Variants in MTHFD1L observed in about 807,000 individuals in gnomAD.
MTHFD1L encodes the protein monofunctional C1-tetrahydrofolate synthase, mitochondrial.
MTHFD1L carries 81 observed loss-of-function variants against 119.5 expected under a neutral mutation model. The observed-to-expected ratio is 0.68, with a 90% CI of 0.57 to 0.82. MTHFD1L has a LOEUF of 0.82. Among genes scored for constraint, MTHFD1L ranks in the 40% least tolerant of loss-of-function variants. The probability of loss-of-function intolerance (pLI) is 0.00; values close to 1 mark genes in which losing one functional copy is unlikely to be tolerated. For missense variants in MTHFD1L, 1,125 were observed against 1,253.4 expected, an observed-to-expected ratio of 0.90 and a Z score of 1.55; for synonymous variants, 430 against 475.2, an observed-to-expected ratio of 0.90 and a Z score of 1.24.
At chr6:150,918,960 C>T (rs769327614) in intron 9 of MTHFD1L, among the ~76,000 whole-genome samples, 12 of 152,050 alleles carry the variant, frequency 7.9e-5, no homozygotes, top group Non-Finnish European at 1.3e-4. Flanking sequence ...TTTATTATCT[C>T]ACAGTTTCTT....
At position 150,956,020 on chromosome 6, in the gene MTHFD1L, A is replaced by T. The variant is rs1795590397; in HGVS notation, c.1752A>T (p.Leu584=). ...QRVLDTNDRF[L]RKITIGQGNT... is the part of the protein sequence containing the mutation. Reference sequence around the variant, plus strand: ...TATTGGATACAAATGACCGATTTCTACGAAAAATAACCATCGGGCAGGGAA... The same window carrying T: ...TATTGGATACAAATGACCGATTTCTTCGAAAAATAACCATCGGGCAGGGAA... The change falls in exon 17 of 28, where the codon CTA becomes CTT. Residue 584 remains leucine (L), a synonymous_variant. Transcript: ENST00000367321. 2 of 1,614,018 alleles carry T rather than the reference A, an allele frequency of 1.2e-6. No individual in the cohort carries two copies. Among genetic ancestry groups the T allele is most frequent in the Admixed American group, 1.7e-5 (1 of 60,004 alleles).
At chr6:150,958,297 A>G (rs1258909438) in intron 17 of MTHFD1L, among the ~76,000 whole-genome samples, 3 of 152,084 alleles carry the variant, frequency 2.0e-5, no homozygotes, top group Non-Finnish European at 4.4e-5. Flanking sequence ...ATCATATCTC[A>G]TAGAGGTACC....
Position 150,936,871 on chromosome 6 carries a change from G to T in MTHFD1L, c.1324G>T (p.Ala442Ser), listed in dbSNP as rs769162434. Residue 442 changes from alanine to serine, a missense_variant, in exon 12 of 28, where the codon GCA (alanine) becomes TCA (serine). Ala to Ser is a moderately conservative substitution (Grantham distance 99). Coordinates refer to ENST00000367321, the MANE Select transcript of MTHFD1L (RefSeq NM_015440.5). Reference protein sequence around the residue: ...VTIGLVQALTAHLNVNSFACL... With the variant: ...VTIGLVQALTSHLNVNSFACL... ...CATCGGGCTTGTGCAGGCTCTGACC[G>T]CACACCTGAATGTCAACTCCTTTGC... is the stretch of plus-strand genomic sequence containing the variant. 2.5e-6 allele frequency: 4 copies of T among 1,613,926 alleles called. No individual in the cohort carries two copies. In the African/African-American group the frequency reaches 5.3e-5, roughly 22 times the overall value.
At position 150,922,236 on chromosome 6, in the gene MTHFD1L, G is replaced by A. The variant is rs999834288; in HGVS notation, c.1016G>A (p.Arg339His). 1.2e-5 allele frequency: 19 copies of A among 1,613,862 alleles called. No individual in the cohort carries two copies. Among genetic ancestry groups the A allele is most frequent in the Middle Eastern group, 1.6e-4 (1 of 6,082 alleles). ...NMVSSGRRWL[R>H]EQQHRRWRLH... is the part of the protein sequence containing the mutation. ...GTCAGTAGTGGAAGGAGATGGCTTC[G>A]TGAACAGCAGCACAGGCGGTGGAGA... The change falls in exon 10 of 28, where the codon CGT becomes CAT. Residue 339 changes from arginine (R) to histidine (H), a missense_variant. By Grantham distance (29) the Arg-to-His change is conservative. This residue lies in a region of MTHFD1L where 1,058 missense variants were observed against 1,151.2 expected (regional missense o/e 0.92). Coordinates refer to ENST00000367321, the MANE Select transcript of MTHFD1L (RefSeq NM_015440.5).
chr6:150,935,088 A>G, intron 11 of MTHFD1L: 1 of 1,613,988 alleles, frequency 6.2e-7, no homozygotes, highest in Non-Finnish European at 8.5e-7. Context: ...TACAGGCTGC[A>G]GTTCAATGAA....
chr6:150,967,348 C>T (rs947625611), intron 19 of MTHFD1L, among the ~76,000 whole-genome samples: 2 of 152,226 alleles, frequency 1.3e-5, no homozygotes, highest in Admixed American at 6.5e-5. Context: ...GGGTCCCCCC[C>T]TCCCCAGGCC....
At chr6:151,024,769 C>T (rs908064712) in intron 24 of MTHFD1L, among the ~76,000 whole-genome samples, 1 of 152,136 alleles carries the variant, frequency 6.6e-6, no homozygotes, top group Non-Finnish European at 1.5e-5. Flanking sequence ...GTGGAGGTTG[C>T]GGTGAGCCAA....
chr6:151,054,324 T>A (rs1260311769), intron 26 of MTHFD1L, among the ~76,000 whole-genome samples: 1 of 152,204 alleles, frequency 6.6e-6, no homozygotes, highest in Admixed American at 6.5e-5. Flanking sequence ...TGGGAAATCT[T>A]ATTTGGACAG....
chr6:150,891,954 G>C (rs1240012781), intron 7 of MTHFD1L, among the ~76,000 whole-genome samples: 1 of 152,196 alleles, frequency 6.6e-6, no homozygotes, highest in Admixed American at 6.5e-5. Flanking sequence ...TGCCAGGGAA[G>C]CCAGGTGTCT....
intron 20 of MTHFD1L, among the ~76,000 whole-genome samples, chr6:151,002,207 G>A (rs1780715580): frequency 6.6e-6 from 1 of 152,184 alleles, no homozygotes; most frequent in Non-Finnish European, 1.5e-5. Flanking sequence ...TATGGAGCAG[G>A]GACTTTGGCA....
intron 11 of MTHFD1L, chr6:150,935,240 T>G: frequency 6.2e-7 from 1 of 1,611,932 alleles, no homozygotes; most frequent in Non-Finnish European, 8.5e-7. Context: ...ATATACCAGA[T>G]GCACAGATGG....
At chr6:150,992,558 G>T (rs1306334489) in intron 20 of MTHFD1L, among the ~76,000 whole-genome samples, 3 of 152,202 alleles carry the variant, frequency 2.0e-5, no homozygotes, top group Non-Finnish European at 2.9e-5. Context: ...CCATTTCAGG[G>T]TGGGGAAGGA....
At chr6:151,094,029 A>G (rs1266787787) in intron 27 of MTHFD1L, among the ~76,000 whole-genome samples, 3 of 152,176 alleles carry the variant, frequency 2.0e-5, no homozygotes, top group Non-Finnish European at 4.4e-5. Context: ...AAGAAAAATG[A>G]CCACATTCCT....
At chr6:150,906,268 A>G (rs1006432226) in intron 8 of MTHFD1L, among the ~76,000 whole-genome samples, 4 of 152,162 alleles carry the variant, frequency 2.6e-5, no homozygotes, top group Admixed American at 2.0e-4. Context: ...TATGAAAATC[A>G]CCACTAGATG....
At chr6:150,955,495 GTT>G (rs142879620) in intron 16 of MTHFD1L, among the ~76,000 whole-genome samples, 2,191 of 117,088 alleles carry the variant, frequency 0.019, 49 homozygotes, top group African/African-American at 0.062. Flanking sequence ...TGCTGGTTGG[GTT>G]TTTTTTTTTT....
chr6:150,955,698 C>T (rs1795538678), intron 16 of MTHFD1L, among the ~76,000 whole-genome samples: 1 of 152,042 alleles, frequency 6.6e-6, no homozygotes, highest in South Asian at 2.1e-4. Context: ...TGGGGTTTCA[C>T]CATGTTGGCC....
At chr6:150,987,747 A>C (rs1201536708) in intron 20 of MTHFD1L, among the ~76,000 whole-genome samples, 1 of 152,198 alleles carries the variant, frequency 6.6e-6, no homozygotes, top group Non-Finnish European at 1.5e-5. Flanking sequence ...CAGGAAGTGC[A>C]CGTTTGTTAA....
intron 1 of MTHFD1L, chr6:150,866,517 G>C: frequency 1.6e-6 from 2 of 1,289,110 alleles, no homozygotes; most frequent in African/African-American, 1.6e-5. Context: ...GGAGAGGCGG[G>C]CTCGGGCCCA....
chr6:150,891,893 T>C (rs1178549817), intron 7 of MTHFD1L, among the ~76,000 whole-genome samples: 1 of 152,206 alleles, frequency 6.6e-6, no homozygotes, highest in Non-Finnish European at 1.5e-5. Flanking sequence ...TAAAAATACA[T>C]GTTCCTCATG....
Sources: gnomAD v4.1 joint callset for allele counts (sites outside exome capture counted in the v4.1 genomes callset) on GRCh38, gnomAD v4.1.1 for gene constraint, gnomAD v4.1.1 regional missense constraint, MANE v1.5 for transcripts, NCBI Gene and HGNC (gene_info 2026-07-23, HGNC 2026-07-21) for gene names.